The following MSH3 variants were observed in gnomAD, a reference collection of about 807,000 sequenced individuals.
MSH3 encodes DNA mismatch repair protein Msh3.
In MSH3, 106 loss-of-function variants were observed where a neutral mutation model predicts 123.3. The ratio of observed to expected loss-of-function variants is 0.86; its 90% CI spans 0.73 to 1.01. MSH3 has a LOEUF of 1.01. Ranked by LOEUF, MSH3 falls within the 50% of genes least tolerant of loss-of-function variation. The pLI is 0.00. For missense variants in MSH3, 1,459 were observed against 1,347.6 expected, an observed-to-expected ratio of 1.08 and a Z score of -1.29; for synonymous variants, 515 against 481.4, an observed-to-expected ratio of 1.07 and a Z score of -0.91.
intron 10 of MSH3, among the ~76,000 whole-genome samples, chr5:80,737,967 A>G (rs1406532898): frequency 6.6e-6 from 1 of 152,210 alleles, no homozygotes; most frequent in African/African-American, 2.4e-5. Flanking sequence ...CTTGTTTAGT[A>G]AGGACAAAAA....
rs866015604 is a variant in MSH3, at chr5:80,720,685, G to A, written c.1341-4768G>A. Among the ~76,000 whole-genome samples, 11 of 151,876 alleles carry A rather than the reference G, an allele frequency of 7.2e-5. No individual in the cohort carries two copies. The South Asian group carries it at 8.3e-4, about 11-fold the overall frequency. ...TTATGGAGATATCTAACATGATTCT[G>A]TTGTCTGTAGAGATGTTATTATGTT... On this transcript the variant is annotated intron_variant, in intron 8 of 23. Transcript: ENST00000265081.
At chr5:80,867,358 A>G (rs1437147950) in intron 22 of MSH3, among the ~76,000 whole-genome samples, 3 of 152,196 alleles carry the variant, frequency 2.0e-5, no homozygotes, top group South Asian at 4.1e-4. Context: ...AGAGACAAGC[A>G]TTTCCTGTTC....
intron 19 of MSH3, among the ~76,000 whole-genome samples, chr5:80,806,007 A>C (rs1447314111): frequency 6.6e-6 from 1 of 152,168 alleles, no homozygotes; most frequent in African/African-American, 2.4e-5. Context: ...TCAATCCCTG[A>C]GGTCTTAAAC....
intron 10 of MSH3, among the ~76,000 whole-genome samples, chr5:80,734,945 C>T (rs745541161): frequency 9.9e-5 from 15 of 152,126 alleles, no homozygotes; most frequent in Non-Finnish European, 1.6e-4. Context: ...GTGTTTTGTC[C>T]AGTTTTCTTA....
intron 18 of MSH3, among the ~76,000 whole-genome samples, chr5:80,790,168 G>A (rs1011413344): frequency 2.6e-4 from 39 of 152,150 alleles, no homozygotes; most frequent in African/African-American, 9.4e-4. Context: ...ACGTGGAGAT[G>A]TGTATAGGAT....
chr5:80,822,440 T>C (rs980556687), intron 20 of MSH3, among the ~76,000 whole-genome samples: 1 of 152,218 alleles, frequency 6.6e-6, no homozygotes, highest in African/African-American at 2.4e-5. Flanking sequence ...TAGTTTTTTT[T>C]CTTCCAGATT....
At chr5:80,774,004 G>A (rs979624373) in intron 15 of MSH3, among the ~76,000 whole-genome samples, 1 of 152,126 alleles carries the variant, frequency 6.6e-6, no homozygotes. Flanking sequence ...CTGACCTCAG[G>A]TAATCTGTCC....
intron 17 of MSH3, among the ~76,000 whole-genome samples, chr5:80,781,371 T>C (rs1266722839): frequency 6.6e-6 from 1 of 152,170 alleles, no homozygotes; most frequent in African/African-American, 2.4e-5. Flanking sequence ...GCTTCTATTC[T>C]CTTGTCATTA....
At chr5:80,693,565 AAATATATAT>A (rs1750389746) in intron 8 of MSH3, among the ~76,000 whole-genome samples, 1 of 151,418 alleles carries the variant, frequency 6.6e-6, no homozygotes, top group Non-Finnish European at 1.5e-5. Context: ...GTGTTTATAT[AAATATATAT>A]GCACATGTAT....
At chr5:80,781,131 TTC>T in intron 17 of MSH3, among the ~76,000 whole-genome samples, 1 of 152,200 alleles carries the variant, frequency 6.6e-6, no homozygotes, top group South Asian at 2.1e-4. Context: ...ATTTTGTCTA[TTC>T]AGTTTCTTTT....
intron 20 of MSH3, among the ~76,000 whole-genome samples, chr5:80,837,272 A>G (rs1023765001): frequency 2.6e-5 from 4 of 152,184 alleles, no homozygotes; most frequent in Admixed American, 6.5e-5. Context: ...TAGTGAAACT[A>G]GTTTGCAAGA....
intron 3 of MSH3, 132 bp downstream of exon 3, chr5:80,665,495 T>C: frequency 1.4e-6 from 1 of 705,950 alleles, no homozygotes; most frequent in Admixed American, 2.5e-5. Flanking sequence ...TGAGGGAGCT[T>C]TTGTGTTTTA....
intron 19 of MSH3, among the ~76,000 whole-genome samples, chr5:80,795,301 T>G (rs1350563471): frequency 6.6e-6 from 1 of 152,172 alleles, no homozygotes; most frequent in Non-Finnish European, 1.5e-5. Context: ...ATAATGCATG[T>G]CTTAGTCTGT....
intron 16 of MSH3, among the ~76,000 whole-genome samples, chr5:80,777,096 T>G (rs1744320566): frequency 6.6e-6 from 1 of 151,282 alleles, no homozygotes; most frequent in South Asian, 2.1e-4. Context: ...CACAGACGGC[T>G]TTTTTTTGTA....
intron 16 of MSH3, among the ~76,000 whole-genome samples, chr5:80,776,924 A>ATT (rs1232568306): frequency 3.9e-5 from 5 of 129,190 alleles, no homozygotes; most frequent in African/African-American, 1.5e-4. Context: ...ATATATATAT[A>ATT]TATATTTTTT....
At position 80,654,943 on chromosome 5, in the gene MSH3, GC is replaced by G; in HGVS notation, c.220del (p.Gln74SerfsTer6). 1 of 1,471,412 alleles carries G rather than the reference GC, an allele frequency of 6.8e-7. No individual in the cohort carries two copies. The allele number at this position is 1,471,412 out of a possible 1,614,324, so 91.1% of individuals were successfully genotyped here. A position where few individuals can be genotyped will look rare whatever the true frequency, so the allele number is the denominator to read the frequency against. On this transcript the variant is annotated frameshift_variant, in exon 1 of 24. Transcript: ENST00000265081. LOFTEE classifies it high-confidence loss of function. ...CAGCGCCCCCAGCTCCCGCCTTCCCGCCCCAGCTGCCGCCGCACATAGTAGG... is the reference window on the plus strand; with the variant it reads ...CAGCGCCCCCAGCTCCCGCCTTCCCGCCCAGCTGCCGCCGCACATAGTAGG... Reference protein sequence around the residue: ...PPAPPAPAFPPQLPPHIATEI... With the variant: ...PPAPPAPAFPXQLPPHIATEI...
chr5:80,848,300 T>A (rs1032166341), intron 20 of MSH3, among the ~76,000 whole-genome samples: 1 of 152,168 alleles, frequency 6.6e-6, no homozygotes, highest in Non-Finnish European at 1.5e-5. Context: ...ATACAGTAAA[T>A]TTTTCAGTGA....
At chr5:80,814,136 AAAAAAAC>A (rs1352527938) in intron 20 of MSH3, among the ~76,000 whole-genome samples, 3 of 139,558 alleles carry the variant, frequency 2.1e-5, no homozygotes, top group South Asian at 2.2e-4. Flanking sequence ...AAAGAAAAAA[AAAAAAAC>A]AAAAACAAAA....
intron 19 of MSH3, among the ~76,000 whole-genome samples, chr5:80,809,921 A>G (rs1020076002): frequency 6.6e-6 from 1 of 152,092 alleles, no homozygotes; most frequent in Non-Finnish European, 1.5e-5. Flanking sequence ...TTATGATTTC[A>G]GCCAATGAAA....
Sources: allele counts gnomAD v4.1 joint callset (sites outside exome capture counted in the v4.1 genomes callset), GRCh38; gene constraint gnomAD v4.1.1; transcripts MANE v1.5; gene names NCBI Gene and HGNC (gene_info 2026-07-23, HGNC 2026-07-21).